The following TOP2B variants were observed in gnomAD, a reference collection of about 807,000 sequenced individuals.
The protein encoded by TOP2B is DNA topoisomerase 2-beta.
Under a neutral mutation model 193.5 loss-of-function variants are expected in TOP2B, and 51 were observed. The observed-to-expected ratio is 0.26, with a 90% CI of 0.21 to 0.33. TOP2B has a LOEUF of 0.33. Among genes scored for constraint, TOP2B ranks in the 10% least tolerant of loss-of-function variants. TOP2B has a pLI of 1.00. For missense variants in TOP2B, 1,378 were observed against 1,909.3 expected, an observed-to-expected ratio of 0.72 and a Z score of 5.19; for synonymous variants, 634 against 635.7, an observed-to-expected ratio of 1.00 and a Z score of 0.04.
chr3:25,659,748 A>G (rs1166684998), intron 1 of TOP2B, among the ~76,000 whole-genome samples: 2 of 152,338 alleles, frequency 1.3e-5, no homozygotes, highest in Middle Eastern at 3.4e-3. Flanking sequence ...GTAGAAAAAG[A>G]CAGGTATATC....
At chr3:25,637,091 T>A in intron 6 of TOP2B, 124 bp downstream of exon 6, 1 of 701,886 alleles carries the variant, frequency 1.4e-6, no homozygotes, top group Non-Finnish European at 2.4e-6. Flanking sequence ...TTGACTTGGA[T>A]AATGCTTTGG....
Position 25,607,287 on chromosome 3 carries a change from T to C in TOP2B, c.4182A>G (p.Glu1394=), listed in dbSNP as rs761016917. Reference sequence around the variant, plus strand: ...TTATGGGAGATGCTTTAACTTTCAATTCCTCTAAATCATTATTGTCATCAT... The same window carrying C: ...TTATGGGAGATGCTTTAACTTTCAACTCCTCTAAATCATTATTGTCATCAT... ...DDDDDNNDLE[E]LKVKASPITN... The change falls in exon 31 of 36, where the codon GAA becomes GAG. Residue 1394 remains glutamate (E), a synonymous_variant. Coordinates refer to ENST00000264331, the MANE Select transcript of TOP2B (RefSeq NM_001330700.2). The C allele has an allele frequency of 1.3e-6, 2 of 1,564,756 alleles. No homozygotes were observed. The highest frequency in any genetic ancestry group is 2.3e-5 in the South Asian group (2 of 85,438).
chr3:25,615,538 C>G lies in TOP2B; in HGVS notation c.3400G>C (p.Asp1134His), dbSNP rs776890647. The change falls in exon 26 of 36, where the codon GAT becomes CAT. Residue 1134 changes from aspartate to histidine, a missense_variant. This residue lies in a region of TOP2B where 556 missense variants were observed against 584.2 expected (regional missense o/e 0.95). Transcript: ENST00000264331. ...TQNQHDDSSS[D>H]SGTPSGPDFN... ...TCTGGGCCTGAAGGAGTTCCTGAAT[C>G]GGAGGAACTATCATCATGCTGGTTT... is the stretch of plus-strand genomic sequence containing the variant. 8 of 1,575,164 alleles carry G rather than the reference C, an allele frequency of 5.1e-6. No individual in the cohort carries two copies. Among genetic ancestry groups the G allele is most frequent in the Non-Finnish European group, 6.9e-6 (8 of 1,160,182 alleles).
Position 25,615,565 on chromosome 3 carries a change from G to C in TOP2B, c.3373C>G (p.Gln1125Glu). ...GAGGAACTATCATCATGCTGGTTTT[G>C]TGTTTCATCCTCTTCTGCTGCCTGT... ...QEKAAEEDET[Q>E]NQHDDSSSDS... is the part of the protein sequence containing the mutation. Residue 1125 changes from glutamine to glutamate, a missense_variant, in exon 26 of 36, where the codon CAA becomes GAA. Physicochemically the swap from Gln to Glu is conservative, Grantham distance 29 (BLOSUM62 2). Around this residue, in one of 9 missense-constraint regions of TOP2B, gnomAD observed 556 missense variants for 584.2 expected, o/e 0.95. Coordinates refer to ENST00000264331, the MANE Select transcript of TOP2B (RefSeq NM_001330700.2). 1 of 1,565,000 alleles carries C rather than the reference G, an allele frequency of 6.4e-7. No homozygotes were observed. The highest frequency in any genetic ancestry group is 8.6e-7 in the Non-Finnish European group (1 of 1,156,158).
In TOP2B at chr3:25,627,254, GC is replaced by G; in HGVS notation, c.1948del (p.Ala650LeufsTer37). On this transcript the variant is annotated frameshift_variant, in exon 16 of 36. Transcript: ENST00000264331. LOFTEE classifies it high-confidence loss of function. ...STAKEAKEYF[A>X]DMERHRILFR... ...CAAGATGCGATGCCTTTCCATATCA[GC>G]AAAATATTCCTTTGCTTCTTTAGCT... The G allele has an allele frequency of 6.2e-7, 1 of 1,609,380 alleles. No homozygotes were observed.
At chr3:25,642,135 C>T (rs1035020107) in intron 4 of TOP2B, among the ~76,000 whole-genome samples, 187 bp downstream of exon 4, 2 of 151,894 alleles carry the variant, frequency 1.3e-5, no homozygotes, top group African/African-American at 2.4e-5. Flanking sequence ...CCAAGAGCCC[C>T]GATAGGGAAG....
chr3:25,644,098 A>C (rs73051993), intron 2 of TOP2B, among the ~76,000 whole-genome samples: 21,565 of 150,572 alleles, frequency 0.14, 1,746 homozygotes, highest in East Asian at 0.2. Context: ...TGGAAAATTA[A>C]TGCTTTTTTT....
rs753269472 is a variant in TOP2B, at chr3:25,612,613, A to G, written c.3688T>C (p.Leu1230=). ...TAAGGTGAGGGCATTGTCTCTTCCAACTGGAGTTTCTTCACCTTAGGTTTG... is the reference window on the plus strand; with the variant it reads ...TAAGGTGAGGGCATTGTCTCTTCCAGCTGGAGTTTCTTCACCTTAGGTTTG... ...VGKPKVKKLQ[L]EETMPSPYGR... Residue 1230 remains leucine, a synonymous_variant, in exon 28 of 36, where the codon TTG becomes CTG. Coordinates refer to ENST00000264331, the MANE Select transcript of TOP2B (RefSeq NM_001330700.2). 4.3e-6 allele frequency: 7 copies of G among 1,613,772 alleles called. No individual in the cohort carries two copies. In the South Asian group the frequency reaches 4.4e-5, roughly 10 times the overall value.
chr3:25,664,869 C>A lies in TOP2B; in HGVS notation c.-572G>T. On this transcript the variant is annotated 5_prime_UTR_variant, in exon 1 of 36. Transcript: ENST00000264331. ...AACAGAGCCGCCGCCGCCGCCGCCA[C>A]GGTCACCTCCCTCTTGTCCGGCATA... The A allele has an allele frequency of 1.0e-6, 1 of 991,768 alleles. No homozygotes were observed. Among genetic ancestry groups the A allele is most frequent in the Non-Finnish European group, 1.2e-6 (1 of 833,236 alleles). 61.4% of individuals were successfully genotyped at this position (991,768 alleles called of 1,614,324 possible).
Position 25,598,557 on chromosome 3 carries a change from G to C in TOP2B, c.4711-80C>G, listed in dbSNP as rs561923908. On this transcript the variant is annotated intron_variant, in intron 35 of 35. Transcript: ENST00000264331. ...TAAGAACTATCACTCCTTAAACTTC[G>C]CTTATGTTTAGGAAGTATTACAAAT... The C allele has an allele frequency of 1.2e-5, 14 of 1,130,964 alleles. No homozygotes were observed. In the East Asian group the frequency reaches 3.4e-4, roughly 27 times the overall value. The allele number at this position is 1,130,964 out of a possible 1,614,324, so 70.1% of individuals were successfully genotyped here. A position where few individuals can be genotyped will look rare whatever the true frequency, so the allele number is the denominator to read the frequency against.
At chr3:25,603,652 T>A (rs1012588110) in intron 33 of TOP2B, among the ~76,000 whole-genome samples, 1 of 152,112 alleles carries the variant, frequency 6.6e-6, no homozygotes, top group Admixed American at 6.5e-5. Flanking sequence ...TAAGTATTTA[T>A]TTGAGAGATA....
At chr3:25,622,567 A>C (rs1302335507) in intron 21 of TOP2B, among the ~76,000 whole-genome samples, 1 of 151,964 alleles carries the variant, frequency 6.6e-6, no homozygotes, top group Admixed American at 6.6e-5. Context: ...GGAAGGAAGG[A>C]CATTTTTCTT....
At chr3:25,627,087 C>T in intron 16 of TOP2B, 100 bp downstream of exon 16, 1 of 861,094 alleles carries the variant, frequency 1.2e-6, no homozygotes, top group Non-Finnish European at 1.8e-6. Context: ...CTAGCTTGAG[C>T]ATTCAAAAGA....
chr3:25,601,233 G>A lies in TOP2B; in HGVS notation c.4490-8C>T. The A allele has an allele frequency of 3.1e-6, 5 of 1,610,386 alleles. No homozygotes were observed. The highest frequency in any genetic ancestry group is 4.2e-6 in the Non-Finnish European group (5 of 1,178,252). On this transcript the variant is annotated splice_polypyrimidine_tract_variant and splice_region_variant and intron_variant, in intron 33 of 35. Coordinates refer to ENST00000264331, the MANE Select transcript of TOP2B (RefSeq NM_001330700.2). The stretch of plus-strand genomic sequence containing the variant: ...TATCTGAAGACGGTTTTCCTAGTAA[G>A]CAAATTTCCATTTCACAGGTCAATA...
At chr3:25,597,951 C>T (rs1260877600), downstream of TOP2B, 1 of 157,782 alleles carries the variant, frequency 6.3e-6, no homozygotes, top group African/African-American at 2.4e-5. Flanking sequence ...GGAGCTTTTA[C>T]TACACCTTTA....
At chr3:25,634,877 G>C (rs1373783586) in intron 7 of TOP2B, among the ~76,000 whole-genome samples, 3 of 151,928 alleles carry the variant, frequency 2.0e-5, no homozygotes, top group East Asian at 1.9e-4. Flanking sequence ...GCTGCAGCTG[G>C]GGAAAGAGAA....
In TOP2B at chr3:25,615,148, C is replaced by T. The variant is rs566568324; in HGVS notation, c.3591+57G>A. The T allele has an allele frequency of 3.4e-6, 5 of 1,455,540 alleles. No homozygotes were observed. The East Asian group carries it at 6.9e-5, about 20-fold the overall frequency. The allele number at this position is 1,455,540 out of a possible 1,614,324, so 90.2% of individuals were successfully genotyped here. The stretch of plus-strand genomic sequence containing the variant: ...ACTTTAAGATCACTTAAAAGAATTT[C>T]ATTCTTGTTCATAAACATGACTTTT... On this transcript the variant is annotated intron_variant, in intron 27 of 35. Coordinates refer to ENST00000264331, the MANE Select transcript of TOP2B (RefSeq NM_001330700.2).
Position 25,615,194 on chromosome 3 carries a change from A to T in TOP2B, c.3591+11T>A. On this transcript the variant is annotated intron_variant, in intron 27 of 35. Coordinates refer to ENST00000264331, the MANE Select transcript of TOP2B (RefSeq NM_001330700.2). ...CTTTTCCAAATAAATTTTAATAGAGACTTAACCTACATCCAGTTCTTCAAC... is the reference window on the plus strand; with the variant it reads ...CTTTTCCAAATAAATTTTAATAGAGTCTTAACCTACATCCAGTTCTTCAAC... The T allele has an allele frequency of 3.7e-6, 6 of 1,602,404 alleles. No individual in the cohort carries two copies. Among genetic ancestry groups the T allele is most frequent in the Non-Finnish European group, 5.1e-6 (6 of 1,174,206 alleles).
chr3:25,602,874 A>G (rs1190763534), intron 33 of TOP2B, among the ~76,000 whole-genome samples: 1 of 152,238 alleles, frequency 6.6e-6, no homozygotes, highest in African/African-American at 2.4e-5. Flanking sequence ...TGGAGTTAAC[A>G]TAGACAATCC....
Sources: gnomAD v4.1 joint callset for allele counts (sites outside exome capture counted in the v4.1 genomes callset) on GRCh38, gnomAD v4.1.1 for gene constraint, gnomAD v4.1.1 regional missense constraint, MANE v1.5 for transcripts, NCBI Gene and HGNC (gene_info 2026-07-23, HGNC 2026-07-21) for gene names.